The following ATL2 variants were observed in gnomAD, a reference collection of about 807,000 sequenced individuals.
The protein encoded by ATL2 is atlastin-2.
ATL2 carries 31 observed loss-of-function variants against 73.9 expected under a neutral mutation model. The observed-to-expected ratio is 0.42, with a 90% CI of 0.32 to 0.57. The LOEUF is 0.57. ATL2 is among the 20% of genes least tolerant of loss of function. The pLI, the probability that ATL2 is intolerant of heterozygous loss-of-function variation, is 0.14. For missense variants in ATL2, 738 were observed against 702.6 expected (o/e 1.05, Z -0.57); for synonymous variants, 291 against 237.5 (o/e 1.23, Z -2.07).
chr2:38,326,363 C>A (rs1668663751), intron 2 of ATL2, among the ~76,000 whole-genome samples: 1 of 152,208 alleles, frequency 6.6e-6, no homozygotes, highest in African/African-American at 2.4e-5. Flanking sequence ...AAGCCTAAAT[C>A]TTCAGTCTTT....
chr2:38,354,803 T>A (rs994267177), intron 1 of ATL2, among the ~76,000 whole-genome samples: 5 of 151,980 alleles, frequency 3.3e-5, no homozygotes, highest in African/African-American at 1.2e-4. Context: ...GGCAGGAGAA[T>A]CCCTTTAACC....
chr2:38,304,022 G>A (rs775476959), intron 9 of ATL2, among the ~76,000 whole-genome samples: 2 of 152,132 alleles, frequency 1.3e-5, no homozygotes, highest in South Asian at 4.1e-4. Flanking sequence ...TCAGCACCTT[G>A]GCAGGCTGAG....
intron 2 of ATL2, among the ~76,000 whole-genome samples, chr2:38,340,034 A>T (rs988251815): frequency 5.3e-5 from 8 of 152,146 alleles, no homozygotes; most frequent in Non-Finnish European, 8.8e-5. Context: ...ACGCAAAAAC[A>T]TGAGTACATC....
At chr2:38,368,095 C>T (rs1213358199) in intron 1 of ATL2, among the ~76,000 whole-genome samples, 9 of 151,888 alleles carry the variant, frequency 5.9e-5, no homozygotes, top group African/African-American at 1.7e-4. Context: ...CCACCACGCC[C>T]GGCTAATTTT....
intron 2 of ATL2, among the ~76,000 whole-genome samples, chr2:38,341,428 G>T (rs1414507762): frequency 6.6e-6 from 1 of 152,146 alleles, no homozygotes; most frequent in Non-Finnish European, 1.5e-5. Context: ...CTTGAGGCCA[G>T]GAGTTCAAGA....
rs538234465 is a variant in ATL2 at position 38,343,342 on chromosome 2, C to A, written c.289G>T (p.Val97Leu). 1.1e-5 allele frequency: 17 copies of A among 1,611,040 alleles called. No individual in the cohort carries two copies. The highest frequency in any genetic ancestry group is 2.2e-5 in the South Asian group (2 of 90,852). ...EHIRDLNIVV[V>L]SVAGAFRKGK... is the part of the protein sequence containing the mutation. ...TTACGAAAAGCTCCTGCCACAGATA[C>A]CACTACTATGTTAAGATCTCGTATG... The change falls in exon 2 of 13, where the codon GTA (valine) becomes TTA (leucine). Residue 97 changes from valine to leucine, a missense_variant. Physicochemically the swap from Val to Leu is conservative, Grantham distance 32 (BLOSUM62 1). Transcript: ENST00000378954.
intron 2 of ATL2, among the ~76,000 whole-genome samples, chr2:38,341,916 G>C (rs930582918): frequency 2.6e-5 from 4 of 152,140 alleles, no homozygotes; most frequent in African/African-American, 9.6e-5. Context: ...CAGGTGTTTA[G>C]ACAATTACCT....
At chr2:38,376,091 A>G (rs1341009997) in intron 1 of ATL2, 5 of 1,457,938 alleles carry the variant, frequency 3.4e-6, no homozygotes, top group South Asian at 2.8e-5. Context: ...ATTTAATAAT[A>G]AACTCTTATC....
rs760664142 is a variant in ATL2 at position 38,310,874 on chromosome 2, G to A, written c.805-427C>T. Among the ~76,000 whole-genome samples the A allele has an allele frequency of 2.4e-3, 368 of 151,904 alleles. 5 individuals are homozygous for A. Among genetic ancestry groups the A allele is most frequent in the Non-Finnish European group, 2.3e-3 (153 of 67,948 alleles). On this transcript the variant is annotated intron_variant, in intron 7 of 12. Coordinates refer to ENST00000378954, the MANE Select transcript of ATL2 (RefSeq NM_001135673.4). Reference sequence around the variant, plus strand: ...ACTTCCAACCTCAGGTAATCCACCCGCCTCGGCCTCCCAAAGTGCTGGGAT... The same window carrying A: ...ACTTCCAACCTCAGGTAATCCACCCACCTCGGCCTCCCAAAGTGCTGGGAT...
At chr2:38,370,445 T>G (rs1558462977) in intron 1 of ATL2, among the ~76,000 whole-genome samples, 2 of 69,632 alleles carry the variant, frequency 2.9e-5, no homozygotes, top group African/African-American at 6.0e-5. Flanking sequence ...TGAGACTCTG[T>G]CCCAAAAAAA....
intron 1 of ATL2, among the ~76,000 whole-genome samples, chr2:38,356,950 GT>G (rs954440397): frequency 6.6e-6 from 1 of 152,096 alleles, no homozygotes; most frequent in African/African-American, 2.4e-5. Context: ...TTTACGACAG[GT>G]TTTTTAATTC....
intron 1 of ATL2, chr2:38,376,111 C>T: frequency 6.6e-7 from 1 of 1,510,364 alleles, no homozygotes; most frequent in South Asian, 1.2e-5. Context: ...CTTGGCCGTA[C>T]TTACCAAATC....
chr2:38,322,038 A>G (rs757937273), intron 2 of ATL2, among the ~76,000 whole-genome samples: 9 of 152,210 alleles, frequency 5.9e-5, no homozygotes, highest in Non-Finnish European at 1.3e-4. Flanking sequence ...ACCATTTATA[A>G]GGAGTTACCT....
intron 1 of ATL2, among the ~76,000 whole-genome samples, chr2:38,352,120 C>CA (rs1220819772): frequency 2.2e-4 from 2 of 9,204 alleles, no homozygotes; most frequent in Non-Finnish European, 4.4e-4. Context: ...CAAAAACAAA[C>CA]AAAAACAACA....
chr2:38,340,002 G>C (rs908638826), intron 2 of ATL2, among the ~76,000 whole-genome samples: 1 of 151,950 alleles, frequency 6.6e-6, no homozygotes, highest in Non-Finnish European at 1.5e-5. Flanking sequence ...TCATACAGTA[G>C]AATATTAAAG....
At chr2:38,375,615 A>G (rs897618533) in intron 1 of ATL2, among the ~76,000 whole-genome samples, 1 of 150,124 alleles carries the variant, frequency 6.7e-6, no homozygotes, top group Non-Finnish European at 1.5e-5. Flanking sequence ...ACTGCATCTA[A>G]AACTCTTACC....
At chr2:38,351,557 G>A (rs922781499) in intron 1 of ATL2, among the ~76,000 whole-genome samples, 7 of 150,512 alleles carry the variant, frequency 4.7e-5, no homozygotes, top group African/African-American at 1.5e-4. Flanking sequence ...GCAGTGGCAC[G>A]ATCTCGGCTC....
At chr2:38,354,665 G>GA (rs1412757830) in intron 1 of ATL2, among the ~76,000 whole-genome samples, 1 of 152,136 alleles carries the variant, frequency 6.6e-6, no homozygotes, top group African/African-American at 2.4e-5. Context: ...CAAGGCAGGA[G>GA]AATCACCTGA....
chr2:38,304,511 T>C (rs539519749), intron 9 of ATL2, among the ~76,000 whole-genome samples: 2 of 152,302 alleles, frequency 1.3e-5, no homozygotes, highest in East Asian at 1.9e-4. Context: ...TTAACAATAA[T>C]TGTGGTGTGT....
Sources: allele counts gnomAD v4.1 joint callset (sites outside exome capture counted in the v4.1 genomes callset), GRCh38; gene constraint gnomAD v4.1.1; transcripts MANE v1.5; gene names NCBI Gene and HGNC (gene_info 2026-07-23, HGNC 2026-07-21).